The following RHBDD2 variants were observed in gnomAD, a reference collection of about 807,000 sequenced individuals.
The protein encoded by RHBDD2 is rhomboid domain-containing protein 2.
Under a neutral mutation model 21.7 loss-of-function variants are expected in RHBDD2, and 13 were observed. The ratio of observed to expected loss-of-function variants is 0.60; its 90% CI spans 0.39 to 0.95. RHBDD2 has a LOEUF of 0.95. Among genes scored for constraint, RHBDD2 ranks in the 40% least tolerant of loss-of-function variants. RHBDD2 has a pLI of 0.00. For missense variants in RHBDD2, 473 were observed against 478.9 expected (o/e 0.99, Z 0.11); for synonymous variants, 225 against 220.0 (o/e 1.02, Z -0.20).
chr7:75,887,905 T>G (rs565041014), intron 3 of RHBDD2, 87 bp from the exon 4 acceptor site: 5 of 1,136,904 alleles, frequency 4.4e-6, no homozygotes, highest in Admixed American at 3.8e-5. Context: ...CATGTTGTAC[T>G]AGAAAGCGGG....
chr7:75,885,649 C>T (rs1317114645), intron 3 of RHBDD2, among the ~76,000 whole-genome samples: 3 of 152,082 alleles, frequency 2.0e-5, no homozygotes, highest in Non-Finnish European at 4.4e-5. Context: ...GATCATGGCA[C>T]CGGCCTCAGG....
chr7:75,881,228 C>T lies in RHBDD2; in HGVS notation c.179-601C>T, dbSNP rs189372049. ...CTTTGATGTCTTATTACATATAAAG[C>T]ATCAGTTTACCTGTGAGATCGGATA... On this transcript the variant is annotated intron_variant, in intron 1 of 3. Transcript: ENST00000006777. 10 of 640,766 alleles carry T rather than the reference C, an allele frequency of 1.6e-5. No individual in the cohort carries two copies. In the East Asian group the frequency reaches 4.6e-4, roughly 30 times the overall value. 39.7% of individuals were successfully genotyped at this position (640,766 alleles called of 1,614,324 possible).
intron 1 of RHBDD2, chr7:75,881,403 A>G (rs2115992759): frequency 2.3e-6 from 3 of 1,293,494 alleles, no homozygotes; most frequent in Non-Finnish European, 3.0e-6. Flanking sequence ...AGCAGAGGAG[A>G]CTGGCACACA....
chr7:75,883,594 C>T, intron 2 of RHBDD2, 104 bp from the exon 3 acceptor site: 1 of 967,450 alleles, frequency 1.0e-6, no homozygotes, highest in Non-Finnish European at 1.6e-6. Flanking sequence ...GCGTGCTAAG[C>T]ATGAAGGCTT....
At chr7:75,881,545 G>A in intron 1 of RHBDD2, 1 of 1,358,854 alleles carries the variant, frequency 7.4e-7, no homozygotes, top group Admixed American at 2.7e-5. Context: ...TTCAGAGACT[G>A]CCCTCTACCG....
intron 3 of RHBDD2, among the ~76,000 whole-genome samples, chr7:75,886,543 G>A (rs554658950): frequency 3.3e-5 from 5 of 152,158 alleles, no homozygotes; most frequent in South Asian, 4.1e-4. Context: ...GGCCGGGCGC[G>A]GTGGCTCACA....
chr7:75,885,520 A>G (rs1554543683), intron 3 of RHBDD2, among the ~76,000 whole-genome samples: 1 of 152,166 alleles, frequency 6.6e-6, no homozygotes, highest in African/African-American at 2.4e-5. Context: ...CCCCCAAAAA[A>G]GGAGCTCGCT....
At chr7:75,881,740 G>C in intron 1 of RHBDD2, 89 bp from the exon 2 acceptor site, 1 of 1,307,206 alleles carries the variant, frequency 7.6e-7, no homozygotes, top group South Asian at 1.4e-5. Flanking sequence ...CACGGAGGGG[G>C]GCTCTCTGCC....
intron 1 of RHBDD2, chr7:75,880,328 A>G (rs1307794757): frequency 6.6e-6 from 1 of 152,166 alleles, no homozygotes; most frequent in African/African-American, 2.4e-5. Flanking sequence ...ATATGGTTCC[A>G]TAGCCTGCTT....
intron 1 of RHBDD2, among the ~76,000 whole-genome samples, chr7:75,880,849 C>T (rs1805282709): frequency 6.6e-6 from 1 of 152,104 alleles, no homozygotes; most frequent in Non-Finnish European, 1.5e-5. Context: ...CCTCAGCCTC[C>T]CAAGTAGCTG....
Position 75,879,061 on chromosome 7 carries a change from G to A in RHBDD2, c.-22G>A. Reference sequence around the variant, plus strand: ...AGGACCGGCAGCCGGCGTCGAGGCGGGGCGCGGGAACGACGGCGGCCATGG... The same window carrying A: ...AGGACCGGCAGCCGGCGTCGAGGCGAGGCGCGGGAACGACGGCGGCCATGG... On this transcript the variant is annotated 5_prime_UTR_variant, in exon 1 of 4. Transcript: ENST00000006777. 1.5e-6 allele frequency: 2 copies of A among 1,367,730 alleles called. No homozygotes were observed. Among genetic ancestry groups the A allele is most frequent in the Non-Finnish European group, 9.5e-7 (1 of 1,057,012 alleles). The allele number at this position is 1,367,730 out of a possible 1,614,324, so 84.7% of individuals were successfully genotyped here.
rs1317735868 is a variant in RHBDD2, at chr7:75,879,089, G to A, written c.7G>A (p.Ala3Thr). MA[A>T]SGPGCRSWCL... ...CGCGGGAACGACGGCGGCCATGGCG[G>A]CCTCGGGGCCCGGGTGTCGCAGCTG... is the stretch of plus-strand genomic sequence containing the variant. Residue 3 changes from alanine (A) to threonine (T), a missense_variant, in exon 1 of 4, where the codon GCC becomes ACC. Ala to Thr is a moderately conservative substitution (Grantham distance 58, BLOSUM62 0). Coordinates refer to ENST00000006777, the MANE Select transcript of RHBDD2 (RefSeq NM_001040456.3). 5.1e-6 allele frequency: 7 copies of A among 1,361,232 alleles called. No individual in the cohort carries two copies. Among genetic ancestry groups the A allele is most frequent in the African/African-American group, 3.1e-5 (2 of 65,364 alleles). 84.3% of individuals were successfully genotyped at this position (1,361,232 alleles called of 1,614,324 possible).
At chr7:75,883,585 C>A in intron 2 of RHBDD2, 113 bp from the exon 3 acceptor site, 1 of 862,804 alleles carries the variant, frequency 1.2e-6, no homozygotes, top group Non-Finnish European at 1.8e-6. Context: ...GAGTGTGCAG[C>A]GTGCTAAGCA....
intron 3 of RHBDD2, among the ~76,000 whole-genome samples, chr7:75,887,488 T>A (rs1585063956): frequency 6.6e-6 from 1 of 151,810 alleles, no homozygotes; most frequent in East Asian, 1.9e-4. Context: ...TGGCTAATTT[T>A]TTTTTTTTAA....
intron 3 of RHBDD2, among the ~76,000 whole-genome samples, chr7:75,884,400 TG>T (rs1805527672): frequency 6.6e-6 from 1 of 152,080 alleles, no homozygotes; most frequent in East Asian, 1.9e-4. Context: ...TTAAATTTTT[TG>T]TAGGGACAGG....
In RHBDD2 at chr7:75,882,225, T is replaced by C; in HGVS notation, c.575T>C (p.Ile192Thr). 8.1e-6 allele frequency: 13 copies of C among 1,611,442 alleles called. No homozygotes were observed. Among genetic ancestry groups the C allele is most frequent in the Non-Finnish European group, 1.1e-5 (13 of 1,178,454 alleles). Reference protein sequence around the residue: ...SFLSNVCGLSIGLAYGLTYCY... With the variant: ...SFLSNVCGLSTGLAYGLTYCY... ...CTCAGTAATGTCTGCGGGCTGTCCA[T>C]CGGGCTGGCCTGTATCCTTCCTAGC... Residue 192 changes from isoleucine to threonine, a missense_variant, in exon 2 of 4, where the codon ATC (isoleucine) becomes ACC (threonine). Transcript: ENST00000006777.
chr7:75,886,471 C>T (rs1396241787), intron 3 of RHBDD2, among the ~76,000 whole-genome samples: 1 of 152,158 alleles, frequency 6.6e-6, no homozygotes, highest in African/African-American at 2.4e-5. Flanking sequence ...CCAGCTGTAT[C>T]TCACATACAA....
intron 1 of RHBDD2, 55 bp downstream of exon 1, chr7:75,879,315 G>A (rs1563373909): frequency 2.9e-6 from 4 of 1,400,400 alleles, no homozygotes; most frequent in Non-Finnish European, 2.8e-6. Context: ...CGACTTTGCC[G>A]GTTCCTGGGC....
intron 3 of RHBDD2, among the ~76,000 whole-genome samples, chr7:75,886,011 C>A (rs74716070): frequency 2.0e-5 from 3 of 152,266 alleles, no homozygotes; most frequent in South Asian, 4.1e-4. Flanking sequence ...GAATTATAGG[C>A]GCGTGCCACT....
Sources: gnomAD v4.1 joint callset for allele counts (sites outside exome capture counted in the v4.1 genomes callset) on GRCh38, gnomAD v4.1.1 for gene constraint, MANE v1.5 for transcripts, NCBI Gene and HGNC (gene_info 2026-07-23, HGNC 2026-07-21) for gene names.